LRRK1: variants seen among roughly 807,000 people sequenced by gnomAD.
The protein encoded by LRRK1 is leucine rich repeat kinase 1.
Under a neutral mutation model 209.1 loss-of-function variants are expected in LRRK1, and 113 were observed. The ratio of observed to expected loss-of-function variants is 0.54; its 90% CI spans 0.46 to 0.63. LRRK1 has a LOEUF of 0.63. Among genes scored for constraint, LRRK1 ranks in the 30% least tolerant of loss-of-function variants. The probability of loss-of-function intolerance (pLI) is 0.00; values close to 1 mark genes in which losing one functional copy is unlikely to be tolerated. For synonymous variants in LRRK1, 1,144 were observed against 1,099.7 expected, an observed-to-expected ratio of 1.04 and a Z score of -0.80; for missense variants, 2,284 against 2,632.2, an observed-to-expected ratio of 0.87 and a Z score of 2.89.
At chr15:100,969,727 A>T (rs2030732822) in intron 2 of LRRK1, among the ~76,000 whole-genome samples, 1 of 151,998 alleles carries the variant, frequency 6.6e-6, no homozygotes, top group African/African-American at 2.4e-5. Flanking sequence ...GCTCCCACTT[A>T]TAAGTGAGAA....
In LRRK1 at chr15:101,058,261, A is replaced by G. The variant is rs112373707; in HGVS notation, c.4679+120A>G. 3.2e-3 allele frequency: 3,150 copies of G among 999,784 alleles called. 64 individuals carry two copies. In the African/African-American group the frequency reaches 0.046, roughly 15 times the overall value. The allele number at this position is 999,784 out of a possible 1,614,324, so 61.9% of individuals were successfully genotyped here. A position where few individuals can be genotyped will look rare whatever the true frequency, so the allele number is the denominator to read the frequency against. On this transcript the variant is annotated intron_variant, in intron 29 of 33. Coordinates refer to ENST00000388948, the MANE Select transcript of LRRK1 (RefSeq NM_024652.6). The stretch of plus-strand genomic sequence containing the variant: ...TTATTTAGCAGACGGTAGGGTCCAG[A>G]ACCTGGTTAGACTGCACTCAAGAAA...
At position 101,049,660 on chromosome 15, in the gene LRRK1, G is replaced by A. The variant is rs200111263; in HGVS notation, c.3316G>A (p.Val1106Met). 5.0e-6 allele frequency: 8 copies of A among 1,613,884 alleles called. No individual in the cohort carries two copies. Among genetic ancestry groups the A allele is most frequent in the South Asian group, 3.3e-5 (3 of 91,066 alleles). The change falls in exon 23 of 34, where the codon GTG (valine) becomes ATG (methionine). Residue 1106 changes from valine (V) to methionine (M), a missense_variant. Val to Met is a conservative substitution (Grantham distance 21, BLOSUM62 1). Around this residue, in one of 6 missense-constraint regions of LRRK1, gnomAD observed 780 missense variants for 985.2 expected, o/e 0.79. Coordinates refer to ENST00000388948, the MANE Select transcript of LRRK1 (RefSeq NM_024652.6). Reference protein sequence around the residue: ...GGYLSVESSDVNWKKKKSGGM... With the variant: ...GGYLSVESSDMNWKKKKSGGM... ...GGATTGCAGTGTGGAATCTTCCGACGTGAACTGGAAAAAGAAGAAAAGCGG... is the reference window on the plus strand; with the variant it reads ...GGATTGCAGTGTGGAATCTTCCGACATGAACTGGAAAAAGAAGAAAAGCGG...
Position 101,013,600 on chromosome 15 carries a change from C to T in LRRK1, c.1420-716C>T, listed in dbSNP as rs117717526. Among the ~76,000 whole-genome samples the T allele has an allele frequency of 3.0e-3, 462 of 152,098 alleles. 11 individuals are homozygous for T. The East Asian group carries it at 0.05, about 17-fold the overall frequency. On this transcript the variant is annotated intron_variant, in intron 10 of 33. Coordinates refer to ENST00000388948, the MANE Select transcript of LRRK1 (RefSeq NM_024652.6). ...CTGCACTCCAGCCTAAGAAACAGAG[C>T]GAGACCCTATCTCTAAAAAAGTAAA...
chr15:100,971,654 C>T (rs2030893365), intron 2 of LRRK1, among the ~76,000 whole-genome samples: 1 of 152,070 alleles, frequency 6.6e-6, no homozygotes, highest in South Asian at 2.1e-4. Flanking sequence ...TTTAGGGTGT[C>T]CATCACCTGA....
At chr15:100,982,342 C>A (rs192534411) in intron 3 of LRRK1, among the ~76,000 whole-genome samples, 1 of 152,338 alleles carries the variant, frequency 6.6e-6, no homozygotes, top group East Asian at 1.9e-4. Flanking sequence ...ACTTGACATG[C>A]CAATCTAGCA....
chr15:101,076,506 C>T lies in LRRK1; in HGVS notation c.*7658C>T, dbSNP rs1431509754. 6.6e-6 allele frequency: 1 copy of T among 152,244 alleles called. No individual in the cohort carries two copies. The highest frequency in any genetic ancestry group is 2.4e-5 in the African/African-American group (1 of 41,414). 9.4% of individuals were successfully genotyped at this position (152,244 alleles called of 1,614,324 possible). ...ATTTCCTTCTTCCCTGCTTCTCACC[C>T]TGATCACACTTGGTTTATGGATGGC... is the stretch of plus-strand genomic sequence containing the variant. On this transcript the variant is annotated 3_prime_UTR_variant, in exon 34 of 34. Transcript: ENST00000388948.
intron 2 of LRRK1, among the ~76,000 whole-genome samples, chr15:100,945,183 T>C (rs1159409057): frequency 1.3e-5 from 2 of 152,216 alleles, no homozygotes; most frequent in African/African-American, 4.8e-5. Flanking sequence ...ATTCCCAAAG[T>C]GATGGGTCAC....
intron 29 of LRRK1, among the ~76,000 whole-genome samples, chr15:101,059,107 T>G (rs1482061068): frequency 6.6e-6 from 1 of 152,234 alleles, no homozygotes; most frequent in African/African-American, 2.4e-5. Flanking sequence ...GAAGTTTTTC[T>G]GACCAGGCCT....
At chr15:100,953,060 G>A (rs189911406) in intron 2 of LRRK1, among the ~76,000 whole-genome samples, 8 of 152,170 alleles carry the variant, frequency 5.3e-5, no homozygotes, top group Non-Finnish European at 8.8e-5. Context: ...CATAAATGTT[G>A]CAAAATGATG....
chr15:101,053,213 T>C lies in LRRK1; in HGVS notation c.3857-10T>C. On this transcript the variant is annotated splice_polypyrimidine_tract_variant and intron_variant, in intron 25 of 33. Coordinates refer to ENST00000388948, the MANE Select transcript of LRRK1 (RefSeq NM_024652.6). Reference sequence around the variant, plus strand: ...TGTCCTACTGGCTGACACTGCGCTGTCCCTGGCAGACACCATGCTGAGGCA... The same window carrying C: ...TGTCCTACTGGCTGACACTGCGCTGCCCCTGGCAGACACCATGCTGAGGCA... 1.2e-6 allele frequency: 2 copies of C among 1,604,288 alleles called. No homozygotes were observed. The highest frequency in any genetic ancestry group is 1.7e-6 in the Non-Finnish European group (2 of 1,179,598).
At chr15:101,015,726 C>T (rs2033506341) in intron 12 of LRRK1, among the ~76,000 whole-genome samples, 1 of 152,212 alleles carries the variant, frequency 6.6e-6, no homozygotes, top group South Asian at 2.1e-4. Flanking sequence ...ATCCTCACAA[C>T]GTGAGGTATG....
intron 2 of LRRK1, among the ~76,000 whole-genome samples, chr15:100,935,459 AGT>A (rs2042284401): frequency 6.6e-6 from 1 of 152,202 alleles, no homozygotes; most frequent in South Asian, 2.1e-4. Flanking sequence ...GTTGGGGCAG[AGT>A]GAGAGAAGCA....
In LRRK1 at chr15:101,061,252, G is replaced by C. The variant is rs757198351; in HGVS notation, c.4761G>C (p.Gln1587His). 14 of 1,614,002 alleles carry C rather than the reference G, an allele frequency of 8.7e-6. No homozygotes were observed. The South Asian group carries it at 1.4e-4, about 16-fold the overall frequency. Residue 1587 changes from glutamine to histidine, a missense_variant, in exon 30 of 34, where the codon CAG becomes CAC. Gln to His is a conservative substitution (Grantham distance 24). Transcript: ENST00000388948. ...GCCCTGGGATGAAGGTGAGCTGCCA[G>C]CTCCAGGTCCAGAGATCCCTGTGGA... is the stretch of plus-strand genomic sequence containing the variant. ...MCCPGMKVSC[Q>H]LQVQRSLWTA...
intron 2 of LRRK1, among the ~76,000 whole-genome samples, chr15:100,964,429 G>A (rs2141640321): frequency 6.6e-6 from 1 of 152,332 alleles, no homozygotes; most frequent in East Asian, 1.9e-4. Flanking sequence ...CAGAGGGCGA[G>A]CCCCCAAAGT....
chr15:101,036,802 G>T (rs1374524244), intron 20 of LRRK1, among the ~76,000 whole-genome samples: 1 of 152,204 alleles, frequency 6.6e-6, no homozygotes, highest in Non-Finnish European at 1.5e-5. Flanking sequence ...TGTGGTGTTG[G>T]TTCAGTAGGG....
In LRRK1 at chr15:101,072,946, C is replaced by T. The variant is rs117797325; in HGVS notation, c.*4098C>T. The stretch of plus-strand genomic sequence containing the variant: ...GCATTAAATTTGGTGCCGTAACTGG[C>T]GCGGGGGGAGGGGGGGGGGAACCTC... On this transcript the variant is annotated 3_prime_UTR_variant, in exon 34 of 34. Transcript: ENST00000388948. The T allele has an allele frequency of 0.043, 4,945 of 114,088 alleles. 118 individuals are homozygous for T. The highest frequency in any genetic ancestry group is 0.089 in the Middle Eastern group (22 of 246). 7.1% of individuals were successfully genotyped at this position (114,088 alleles called of 1,614,324 possible).
intron 6 of LRRK1, among the ~76,000 whole-genome samples, chr15:101,006,890 T>TAGTAACAATCAA (rs1567227569): frequency 6.6e-6 from 1 of 152,164 alleles, no homozygotes; most frequent in African/African-American, 2.4e-5. Context: ...GGGAGTAAAA[T>TAGTAACAATCAA]AGTAACAATC....
At chr15:100,928,070 T>G (rs2042145809) in intron 2 of LRRK1, among the ~76,000 whole-genome samples, 1 of 152,178 alleles carries the variant, frequency 6.6e-6, no homozygotes. Context: ...CGGTGCTGTT[T>G]ATGTTTCCTG....
chr15:101,066,499 G>C (rs1419260791), intron 32 of LRRK1, 141 bp from the exon 33 acceptor site: 1 of 834,812 alleles, frequency 1.2e-6, no homozygotes, highest in Non-Finnish European at 2.0e-6. Context: ...TTTGAAGTCT[G>C]TCCCCTCCCC....
Sources: gnomAD v4.1 joint callset for allele counts (sites outside exome capture counted in the v4.1 genomes callset) on GRCh38, gnomAD v4.1.1 for gene constraint, gnomAD v4.1.1 regional missense constraint, MANE v1.5 for transcripts, NCBI Gene and HGNC (gene_info 2026-07-23, HGNC 2026-07-21) for gene names.